ADAM19: variants seen among roughly 807,000 people sequenced by gnomAD.
ADAM19 encodes the protein ADAM metallopeptidase domain 19, also known as disintegrin and metalloproteinase domain-containing protein 19.
Under a neutral mutation model 114.7 loss-of-function variants are expected in ADAM19, and 65 were observed. The observed-to-expected ratio is 0.57, with a 90% confidence interval of 0.46 to 0.70. The LOEUF is 0.70. ADAM19 is among the 30% of genes least tolerant of loss of function. ADAM19 has a pLI of 0.00. For synonymous variants in ADAM19, 466 were observed against 460.5 expected, an observed-to-expected ratio of 1.01 and a Z score of -0.15; for missense variants, 1,063 against 1,204.7, an observed-to-expected ratio of 0.88 and a Z score of 1.74.
chr5:157,504,077 T>TTAGTTTA (rs1400190070), intron 11 of ADAM19, among the ~76,000 whole-genome samples: 6 of 152,310 alleles, frequency 3.9e-5, no homozygotes, highest in Non-Finnish European at 4.4e-5. Context: ...TGTTAAACTA[T>TTAGTTTA]CCATATTTGT....
intron 3 of ADAM19, among the ~76,000 whole-genome samples, chr5:157,558,314 C>T (rs1010735208): frequency 1.3e-5 from 2 of 152,204 alleles, no homozygotes; most frequent in African/African-American, 2.4e-5. Context: ...CCTGTCTCCC[C>T]GGGTTATACA....
chr5:157,550,201 A>G (rs912453649), intron 3 of ADAM19, among the ~76,000 whole-genome samples: 5 of 152,172 alleles, frequency 3.3e-5, no homozygotes, highest in African/African-American at 1.2e-4. Context: ...CTTGAGGCTA[A>G]AAGTCCAAGA....
At position 157,564,350 on chromosome 5, in the gene ADAM19, A is replaced by C. The variant is rs766696436; in HGVS notation, c.251+23T>G. ...ACACAGAAGTTATTTGTTTCATTTT[A>C]GACAAAGGAGGAGTCCACTTACTCA... On this transcript the variant is annotated intron_variant, in intron 3 of 22. Coordinates refer to ENST00000257527, the MANE Select transcript of ADAM19 (RefSeq NM_033274.5). The C allele has an allele frequency of 2.5e-6, 4 of 1,610,276 alleles. No individual in the cohort carries two copies. The South Asian group carries it at 4.4e-5, about 18-fold the overall frequency.
chr5:157,505,764 G>A lies in ADAM19; in HGVS notation c.1035C>T (p.His345=), dbSNP rs143031163. The A allele has an allele frequency of 2.9e-3, 4,639 of 1,613,986 alleles. 7 individuals are homozygous for A. Among genetic ancestry groups the A allele is most frequent in the Non-Finnish European group, 3.5e-3 (4,169 of 1,179,952 alleles). The change falls in exon 11 of 23, where the codon CAC becomes CAT. Residue 345 remains histidine, a synonymous_variant. Coordinates refer to ENST00000257527, the MANE Select transcript of ADAM19 (RefSeq NM_033274.5). ...TCATGCCAAAGTTGTGGCCCATCTC[G>A]TGGGCCATGGTGGCAGCCACGCCAA... The part of the protein sequence containing the change: ...NAIGVAATMA[H]EMGHNFGMTH...
chr5:157,479,581 G>A lies in ADAM19; in HGVS notation c.*1368C>T. ...CTCCTTCCCTGCTGCAGGGAAGACA[G>A]GAGCCACCGCAGACCCCCTCACCTG... On this transcript the variant is annotated 3_prime_UTR_variant, in exon 23 of 23. Coordinates refer to ENST00000257527, the MANE Select transcript of ADAM19 (RefSeq NM_033274.5). The A allele has an allele frequency of 1.0e-6, 1 of 985,864 alleles. No individual in the cohort carries two copies. The highest frequency in any genetic ancestry group is 1.7e-5 in the African/African-American group (1 of 57,328). The allele number at this position is 985,864 out of a possible 1,614,324, so 61.1% of individuals were successfully genotyped here.
Position 157,480,424 on chromosome 5 carries a change from C to T in ADAM19, c.*525G>A. On this transcript the variant is annotated 3_prime_UTR_variant, in exon 23 of 23. Transcript: ENST00000257527. ...CAGAAGCCGTTCCCTCAACCAAGCC[C>T]TGGGCAGGGCCACAGCAGTGGCTGG... 1.0e-6 allele frequency: 1 copy of T among 989,696 alleles called. No homozygotes were observed. Among genetic ancestry groups the T allele is most frequent in the Middle Eastern group, 5.2e-4 (1 of 1,930 alleles). 61.3% of individuals were successfully genotyped at this position (989,696 alleles called of 1,614,324 possible). A position where few individuals can be genotyped will look rare whatever the true frequency, so the allele number is the denominator to read the frequency against.
At chr5:157,482,003 CCT>C in intron 21 of ADAM19, 60 bp from the exon 22 acceptor site, 1 of 1,335,134 alleles carries the variant, frequency 7.5e-7, no homozygotes, top group South Asian at 1.5e-5. Context: ...AGAAAATATC[CCT>C]GATATCTTAC....
intron 12 of ADAM19, among the ~76,000 whole-genome samples, chr5:157,502,143 G>A (rs951085014): frequency 2.0e-5 from 3 of 152,066 alleles, no homozygotes; most frequent in African/African-American, 7.2e-5. Flanking sequence ...ACCCCAAATT[G>A]TTATGCATGT....
chr5:157,523,553 T>C (rs1440552023), intron 5 of ADAM19, among the ~76,000 whole-genome samples: 1 of 152,112 alleles, frequency 6.6e-6, no homozygotes, highest in Non-Finnish European at 1.5e-5. Flanking sequence ...CTCTCTCACT[T>C]TCTCTCTCAC....
chr5:157,484,506 C>T (rs890347446), intron 21 of ADAM19, among the ~76,000 whole-genome samples: 2 of 152,184 alleles, frequency 1.3e-5, no homozygotes, highest in Non-Finnish European at 2.9e-5. Context: ...CCAGTGCCTG[C>T]TCCCCTTGAC....
At chr5:157,486,670 G>A (rs113215783) in intron 21 of ADAM19, among the ~76,000 whole-genome samples, 1,972 of 151,924 alleles carry the variant, frequency 0.013, 48 homozygotes, top group African/African-American at 0.045. Context: ...TGGACTGCTC[G>A]CCCGACCCAC....
chr5:157,569,918 A>G (rs1757776718), intron 2 of ADAM19, among the ~76,000 whole-genome samples: 1 of 152,204 alleles, frequency 6.6e-6, no homozygotes, highest in South Asian at 2.1e-4. Flanking sequence ...CTGGCACACA[A>G]CAACCGCATC....
rs556999973 is a variant in ADAM19 at position 157,481,927 on chromosome 5, C to A, written c.2567G>T (p.Arg856Leu). ...TGCCGGGAGTGCCTTCTGGGGCGGCCGAGGCCTGGAGAAGTCCTGGAGAGA... is the reference window on the plus strand; with the variant it reads ...TGCCGGGAGTGCCTTCTGGGGCGGCAGAGGCCTGGAGAAGTCCTGGAGAGA... ...CIVSQDFSRP[R>L]PPQKALPANP... Residue 856 changes from arginine to leucine, a missense_variant, in exon 22 of 23, where the codon CGG becomes CTG. By Grantham distance (102) the Arg-to-Leu change is moderately radical. Coordinates refer to ENST00000257527, the MANE Select transcript of ADAM19 (RefSeq NM_033274.5). 14 of 1,603,634 alleles carry A rather than the reference C, an allele frequency of 8.7e-6. No individual in the cohort carries two copies. Among genetic ancestry groups the A allele is most frequent in the African/African-American group, 1.3e-5 (1 of 74,708 alleles).
rs772860526 is a variant in ADAM19, at chr5:157,488,376, C to T, written c.2439G>A (p.Arg813=). The T allele has an allele frequency of 7.4e-6, 12 of 1,614,072 alleles. No individual in the cohort carries two copies. In the South Asian group the frequency reaches 9.9e-5, roughly 13 times the overall value. ...PPAPLPAHLS[R]AARNSPGPGS... ...CGGGCCCTGGGGAGTTCCTAGCAGCCCTGCTCAGGTGAGCTGGCAGTGGTG... is the reference window on the plus strand; with the variant it reads ...CGGGCCCTGGGGAGTTCCTAGCAGCTCTGCTCAGGTGAGCTGGCAGTGGTG... The change falls in exon 21 of 23, where the codon AGG becomes AGA. Residue 813 remains arginine (R), a synonymous_variant. Coordinates refer to ENST00000257527, the MANE Select transcript of ADAM19 (RefSeq NM_033274.5).
At chr5:157,483,546 T>C (rs781136270) in intron 21 of ADAM19, among the ~76,000 whole-genome samples, 10 of 151,934 alleles carry the variant, frequency 6.6e-5, no homozygotes, top group African/African-American at 1.5e-4. Flanking sequence ...AATAGAAATG[T>C]CTGTAACAGA....
chr5:157,556,536 A>G (rs1757373497), intron 3 of ADAM19, among the ~76,000 whole-genome samples: 1 of 151,934 alleles, frequency 6.6e-6, no homozygotes, highest in South Asian at 2.1e-4. Flanking sequence ...CTTTAACTTA[A>G]TCACATCTGC....
In ADAM19 at chr5:157,535,726, T is replaced by C. The variant is rs1305713339; in HGVS notation, c.330+2187A>G. On this transcript the variant is annotated intron_variant, in intron 4 of 22. Transcript: ENST00000257527. ...CAAAGAACAAGTCAAGGATCAGTCA[T>C]GAAGTCATTGCATTCCTCAGCTTCT... is the stretch of plus-strand genomic sequence containing the variant. Among the ~76,000 whole-genome samples the C allele has an allele frequency of 3.9e-5, 6 of 152,380 alleles. No individual in the cohort carries two copies. In the South Asian group the frequency reaches 6.2e-4, roughly 16 times the overall value.
rs1755135964 is a variant in ADAM19 at position 157,491,017 on chromosome 5, A to C, written c.2096-563T>G. ...ACCCCAATATTCTCTCAAGTGGTTAATGTAAATATAGAGAACGTATTTGTA... is the reference window on the plus strand; with the variant it reads ...ACCCCAATATTCTCTCAAGTGGTTACTGTAAATATAGAGAACGTATTTGTA... On this transcript the variant is annotated intron_variant, in intron 18 of 22. Transcript: ENST00000257527. Among the ~76,000 whole-genome samples the C allele has an allele frequency of 3.3e-5, 5 of 152,236 alleles. No homozygotes were observed. The South Asian group carries it at 1.0e-3, about 31-fold the overall frequency.
At chr5:157,565,942 C>G (rs7724526) in intron 2 of ADAM19, 31,058 of 151,650 alleles carry the variant, frequency 0.2, 4,549 homozygotes, top group African/African-American at 0.41. Context: ...AACCCCGTCT[C>G]TACTAAAAAT....
Sources: gnomAD v4.1 joint callset for allele counts (sites outside exome capture counted in the v4.1 genomes callset) on GRCh38, gnomAD v4.1.1 for gene constraint, MANE v1.5 for transcripts, NCBI Gene and HGNC (gene_info 2026-07-23, HGNC 2026-07-21) for gene names.